The following THADA variants were observed in gnomAD, a reference collection of about 807,000 sequenced individuals.
THADA encodes THADA armadillo repeat containing, also known as tRNA (32-2'-O)-methyltransferase regulator THADA.
Under a neutral mutation model 219.8 loss-of-function variants are expected in THADA, and 213 were observed. That is an observed-to-expected ratio of 0.97 (90% CI 0.87 to 1.09). The LOEUF (loss-of-function observed/expected upper bound fraction) is 1.09. THADA is among the 50% of genes least tolerant of loss of function. The pLI, the probability that THADA is intolerant of heterozygous loss-of-function variation, is 0.00. For missense variants in THADA, 2,956 were observed against 2,311.3 expected (o/e 1.28, Z -5.72); for synonymous variants, 1,018 against 828.9 (o/e 1.23, Z -3.92).
At chr2:43,487,741 G>T (rs1687087747) in intron 25 of THADA, among the ~76,000 whole-genome samples, 1 of 152,188 alleles carries the variant, frequency 6.6e-6, no homozygotes, top group Admixed American at 6.5e-5. Flanking sequence ...TCTACCATGT[G>T]AGGACACAGC....
intron 36 of THADA, among the ~76,000 whole-genome samples, chr2:43,245,172 C>CTTTTTTTTGTTTTTTTT (rs1669010446): frequency 9.7e-6 from 1 of 103,144 alleles, no homozygotes; most frequent in African/African-American, 5.0e-5. Context: ...CTTTCTTCTT[C>CTTTTTTTTGTTTTTTTT]TTTTTTTTTT....
intron 17 of THADA, among the ~76,000 whole-genome samples, chr2:43,554,868 C>T (rs1402168734): frequency 2.6e-5 from 4 of 152,086 alleles, no homozygotes; most frequent in Non-Finnish European, 4.4e-5. Flanking sequence ...GGACCATAAG[C>T]GTTTCAGATT....
intron 29 of THADA, among the ~76,000 whole-genome samples, chr2:43,383,326 G>A (rs984474373): frequency 5.3e-5 from 8 of 152,134 alleles, no homozygotes; most frequent in African/African-American, 9.7e-5. Flanking sequence ...AATCCCTGCC[G>A]TCCATGAGTT....
intron 36 of THADA, among the ~76,000 whole-genome samples, chr2:43,254,791 TCCTTAAACCTGATGCAGAGA>T (rs1380709825): frequency 6.6e-6 from 1 of 152,170 alleles, no homozygotes; most frequent in East Asian, 1.9e-4. Context: ...GATCCAAGGT[TCCTTAAACCTGATGCAGAGA>T]CCTGGGCCTC....
chr2:43,247,295 A>G (rs902243467), intron 36 of THADA, among the ~76,000 whole-genome samples: 9 of 152,244 alleles, frequency 5.9e-5, no homozygotes, highest in African/African-American at 2.2e-4. Context: ...TCATTTTGTT[A>G]GTAACACTAA....
chr2:43,545,792 C>A (rs1695951020), intron 20 of THADA, among the ~76,000 whole-genome samples: 2 of 152,092 alleles, frequency 1.3e-5, no homozygotes, highest in South Asian at 4.2e-4. Context: ...TGCTAGTGGT[C>A]TATCAATTTT....
At chr2:43,430,728 T>G (rs1255663344) in intron 26 of THADA, 2 of 447,878 alleles carry the variant, frequency 4.5e-6, no homozygotes, top group Admixed American at 4.8e-5. Flanking sequence ...TTGGACCAAA[T>G]AACTCTTTGT....
intron 36 of THADA, among the ~76,000 whole-genome samples, chr2:43,250,876 G>A (rs1669742103): frequency 6.6e-6 from 1 of 152,326 alleles, no homozygotes; most frequent in Non-Finnish European, 1.5e-5. Context: ...TTGCTTTAAA[G>A]GGATTGGGCC....
In THADA at chr2:43,398,048, G is replaced by C. The variant is rs548266644; in HGVS notation, c.4150C>G (p.Arg1384Gly). 4.2e-5 allele frequency: 68 copies of C among 1,613,966 alleles called. No individual in the cohort carries two copies. The East Asian group carries it at 1.5e-3, about 35-fold the overall frequency. The change falls in exon 29 of 38, where the codon CGA becomes GGA. Residue 1384 changes from arginine to glycine, a missense_variant. Arg to Gly is a moderately radical substitution (Grantham distance 125). Transcript: ENST00000405975. ...CTGGGGAGTGTGGACAACAGAGTTC[G>C]AATGGTATTAGGAATGTGATCTATC... is the stretch of plus-strand genomic sequence containing the variant. Reference protein sequence around the residue: ...VMIDHIPNTIRTLLSTLPSCT... With the variant: ...VMIDHIPNTIGTLLSTLPSCT...
intron 29 of THADA, among the ~76,000 whole-genome samples, chr2:43,392,575 C>T (rs938820083): frequency 6.6e-6 from 1 of 152,074 alleles, no homozygotes; most frequent in Non-Finnish European, 1.5e-5. Context: ...AAAGGTAATG[C>T]TAAAGTCTAC....
At chr2:43,235,080 A>G (rs1276259094) in intron 36 of THADA, among the ~76,000 whole-genome samples, 2 of 151,562 alleles carry the variant, frequency 1.3e-5, no homozygotes, top group African/African-American at 4.9e-5. Flanking sequence ...CCCGGGTTCA[A>G]GCGATTCTCC....
At chr2:43,348,082 G>T (rs970073807) in intron 29 of THADA, among the ~76,000 whole-genome samples, 1 of 152,130 alleles carries the variant, frequency 6.6e-6, no homozygotes, top group African/African-American at 2.4e-5. Flanking sequence ...ATAGCCTTTG[G>T]GCCAAAAGTG....
chr2:43,387,821 A>G (rs1362714482), intron 29 of THADA, among the ~76,000 whole-genome samples: 2 of 152,256 alleles, frequency 1.3e-5, no homozygotes, highest in African/African-American at 4.8e-5. Flanking sequence ...GCCCTGCCAC[A>G]AAAGCAAAGG....
In THADA at chr2:43,551,766, G is replaced by C. The variant is rs368819813; in HGVS notation, c.2947+23C>G. ...ATAATAATCAAACCACAGCACTCTAGCCGGCCTTCTTCATTTGCTAACCTG... is the reference window on the plus strand; with the variant it reads ...ATAATAATCAAACCACAGCACTCTACCCGGCCTTCTTCATTTGCTAACCTG... On this transcript the variant is annotated intron_variant, in intron 19 of 37. Coordinates refer to ENST00000405975, the MANE Select transcript of THADA (RefSeq NM_022065.5). 6.8e-6 allele frequency: 11 copies of C among 1,606,270 alleles called. No homozygotes were observed. In the African/African-American group the frequency reaches 1.3e-4, roughly 20 times the overall value.
intron 12 of THADA, 128 bp downstream of exon 12, chr2:43,572,686 G>A (rs997222903): frequency 5.3e-5 from 38 of 721,950 alleles, no homozygotes; most frequent in Non-Finnish European, 6.9e-5. Context: ...GGGAGACTAG[G>A]GTTTCTACTC....
intron 34 of THADA, among the ~76,000 whole-genome samples, chr2:43,291,454 CA>C (rs765352765): frequency 0.027 from 217 of 8,082 alleles, no homozygotes; most frequent in African/African-American, 0.07. Flanking sequence ...AACTCCATCT[CA>C]AAAAAAAAAA....
At chr2:43,422,161 T>C (rs964572117) in intron 28 of THADA, among the ~76,000 whole-genome samples, 1 of 152,256 alleles carries the variant, frequency 6.6e-6, no homozygotes, top group African/African-American at 2.4e-5. Context: ...TATGGAAATA[T>C]GTTCTTTTCC....
intron 23 of THADA, 90 bp from the exon 24 acceptor site, chr2:43,505,825 C>A (rs1312888464): frequency 6.7e-6 from 6 of 889,834 alleles, no homozygotes; most frequent in Middle Eastern, 2.5e-4. Context: ...AATGCAAAAT[C>A]CCCTTAATAA....
intron 21 of THADA, 76 bp downstream of exon 21, chr2:43,541,083 G>A (rs1695233605): frequency 7.3e-7 from 1 of 1,364,734 alleles, no homozygotes; most frequent in South Asian, 1.8e-5. Flanking sequence ...CCTTTTTTTA[G>A]AGTTGGGTTA....
Sources: allele counts gnomAD v4.1 joint callset (sites outside exome capture counted in the v4.1 genomes callset), GRCh38; gene constraint gnomAD v4.1.1; transcripts MANE v1.5; gene names NCBI Gene and HGNC (gene_info 2026-07-23, HGNC 2026-07-21).